Variants in HTR2C observed in about 807,000 individuals in gnomAD.
HTR2C encodes the protein 5-hydroxytryptamine (serotonin) receptor 2C, G protein-coupled.
A neutral mutation model predicts 21.0 loss-of-function variants in HTR2C; 5 were observed. The observed-to-expected ratio is 0.24, with a 90% CI of 0.12 to 0.50. The LOEUF is 0.50. Ranked by LOEUF, HTR2C falls within the 20% of genes least tolerant of loss-of-function variation. The pLI, the probability that HTR2C is intolerant of heterozygous loss-of-function variation, is 0.98. For missense variants in HTR2C, 271 were observed against 371.2 expected (o/e 0.73, Z 2.22); for synonymous variants, 150 against 145.3 (o/e 1.03, Z -0.23).
At chrX:114,736,471 TAAAAG>T (rs1176183042) in intron 4 of HTR2C, among the ~76,000 whole-genome samples, 1 of 111,760 alleles carries the variant, frequency 8.9e-6, no homozygotes, top group African/African-American at 3.2e-5. Context: ...TTATTAATGA[TAAAAG>T]AAAGCCACAA....
rs781944472 is a variant in HTR2C at position 114,908,726 on chromosome X, G to C, written c.*1311G>C. On this transcript the variant is annotated 3_prime_UTR_variant, in exon 6 of 6. Coordinates refer to ENST00000276198, the MANE Select transcript of HTR2C (RefSeq NM_000868.4). ...AAAATATAGTGTTGTGTTACAATAAGTGTTGGCCATCATTTCATTCGTGGG... is the reference window on the plus strand; with the variant it reads ...AAAATATAGTGTTGTGTTACAATAACTGTTGGCCATCATTTCATTCGTGGG... The C allele has an allele frequency of 2.7e-5, 3 of 112,597 alleles. No individual in the cohort carries two copies. Among genetic ancestry groups the C allele is most frequent in the Non-Finnish European group, 5.6e-5 (3 of 53,268 alleles). 9.3% of individuals were successfully genotyped at this position (112,597 alleles called of 1,213,427 possible).
At chrX:114,882,795 T>C (rs1240586982) in intron 5 of HTR2C, among the ~76,000 whole-genome samples, 1 of 110,533 alleles carries the variant, frequency 9.0e-6, no homozygotes, top group African/African-American at 3.3e-5. Context: ...GTAGTTTTCT[T>C]GTGTTGTCTT....
intron 4 of HTR2C, chrX:114,823,536 G>T: frequency 2.9e-6 from 1 of 344,303 alleles, no homozygotes; most frequent in Non-Finnish European, 5.9e-6. Context: ...GCATATGTAG[G>T]ATGTCCCATC....
chrX:114,858,749 A>G (rs1475632244), intron 5 of HTR2C, among the ~76,000 whole-genome samples: 7 of 110,489 alleles, frequency 6.3e-5, no homozygotes, highest in Non-Finnish European at 1.3e-4. Flanking sequence ...GAAGTAGTAG[A>G]CATCTTTTTT....
chrX:114,872,255 AC>A, intron 5 of HTR2C, among the ~76,000 whole-genome samples: 1 of 109,922 alleles, frequency 9.1e-6, no homozygotes, highest in Admixed American at 9.7e-5. Flanking sequence ...CTTTCAAAAA[AC>A]CTTTTATTGA....
At chrX:114,769,837 G>A (rs782520166) in intron 4 of HTR2C, among the ~76,000 whole-genome samples, 65 of 110,854 alleles carry the variant, frequency 5.9e-4, no homozygotes, top group Middle Eastern at 4.7e-3. Context: ...TCATTCATGT[G>A]GATTCAAGTT....
At chrX:114,661,727 T>A (rs1451967871) in intron 2 of HTR2C, among the ~76,000 whole-genome samples, 2 of 111,148 alleles carry the variant, frequency 1.8e-5, no homozygotes, top group Non-Finnish European at 3.8e-5. Flanking sequence ...GACCTCCTTT[T>A]GGCGTCCAGA....
rs967887026 is a variant in HTR2C, at chrX:114,788,281, A to G, written c.349+56674A>G. ...TTCTTTTTTATTTTTATTTTTTGAG[A>G]TGGAGTTTCATCCTTGTTGCCCAGG... On this transcript the variant is annotated intron_variant, in intron 4 of 5. Transcript: ENST00000276198. Among the ~76,000 whole-genome samples the G allele has an allele frequency of 2.7e-5, 3 of 109,760 alleles. No homozygotes were observed. The South Asian group carries it at 1.2e-3, about 43-fold the overall frequency.
intron 2 of HTR2C, among the ~76,000 whole-genome samples, chrX:114,623,498 C>T (rs1232746054): frequency 1.8e-5 from 2 of 111,906 alleles, no homozygotes; most frequent in East Asian, 5.6e-4. Context: ...ATGTTAAAAC[C>T]GTATAAATTT....
At chrX:114,750,065 T>A (rs1329180153) in intron 4 of HTR2C, among the ~76,000 whole-genome samples, 1 of 111,851 alleles carries the variant, frequency 8.9e-6, no homozygotes, top group East Asian at 2.8e-4. Context: ...CCGATTGGCA[T>A]GTTTTTGTCT....
intron 5 of HTR2C, among the ~76,000 whole-genome samples, chrX:114,903,417 A>T (rs986401769): frequency 8.0e-5 from 9 of 112,678 alleles, no homozygotes; most frequent in African/African-American, 2.9e-4. Flanking sequence ...TCAGTAATAT[A>T]CATGGCTCAG....
At chrX:114,616,662 G>T (rs968670767) in intron 2 of HTR2C, among the ~76,000 whole-genome samples, 8 of 111,789 alleles carry the variant, frequency 7.2e-5, no homozygotes, top group Non-Finnish European at 1.5e-4. Context: ...AATACCTTCC[G>T]TAAAGCCTTA....
At chrX:114,701,651 C>A (rs1437189846) in intron 2 of HTR2C, among the ~76,000 whole-genome samples, 1 of 112,161 alleles carries the variant, frequency 8.9e-6, no homozygotes. Context: ...AAAAGCAGAG[C>A]ACCTCTCCTC....
At chrX:114,725,309 G>A (rs1346578664) in intron 2 of HTR2C, among the ~76,000 whole-genome samples, 3 of 111,076 alleles carry the variant, frequency 2.7e-5, no homozygotes, top group African/African-American at 6.5e-5. Flanking sequence ...TGATCGCATC[G>A]GCTCCTGAGG....
At chrX:114,753,368 T>C (rs2069780925) in intron 4 of HTR2C, among the ~76,000 whole-genome samples, 1 of 111,936 alleles carries the variant, frequency 8.9e-6, no homozygotes, top group Non-Finnish European at 1.9e-5. Context: ...CTGAAAGTTG[T>C]TTTAAGTCAC....
chrX:114,631,571 A>C (rs1367424988), intron 2 of HTR2C, among the ~76,000 whole-genome samples: 2 of 111,709 alleles, frequency 1.8e-5, no homozygotes, highest in Non-Finnish European at 3.8e-5. Context: ...AGTAAGACAG[A>C]GAGATAAGTG....
At chrX:114,854,691 G>A (rs1188855402) in intron 5 of HTR2C, among the ~76,000 whole-genome samples, 2 of 111,406 alleles carry the variant, frequency 1.8e-5, no homozygotes, top group African/African-American at 6.5e-5. Flanking sequence ...CTAAGACCTT[G>A]AAAGCACAAA....
chrX:114,717,072 T>C (rs1933013319), intron 2 of HTR2C, among the ~76,000 whole-genome samples: 1 of 111,308 alleles, frequency 9.0e-6, no homozygotes, highest in African/African-American at 3.3e-5. Context: ...TAGTTGACTA[T>C]ATTCTACAAT....
intron 4 of HTR2C, among the ~76,000 whole-genome samples, chrX:114,741,540 A>AAAAAAAAAAAAAAC: frequency 1.1e-5 from 1 of 88,091 alleles, no homozygotes; most frequent in East Asian, 3.7e-4. Flanking sequence ...AAAAAAAAAA[A>AAAAAAAAAAAAAAC]AAAAAAAAAT....
Sources: allele counts gnomAD v4.1 joint callset (sites outside exome capture counted in the v4.1 genomes callset), GRCh38; gene constraint gnomAD v4.1.1; transcripts MANE v1.5; gene names NCBI Gene and HGNC (gene_info 2026-07-23, HGNC 2026-07-21).